Variants in PLCB2 observed in about 807,000 individuals in gnomAD.
PLCB2 encodes the protein 1-phosphatidylinositol 4,5-bisphosphate phosphodiesterase beta-2.
PLCB2 carries 115 observed loss-of-function variants against 141.7 expected under a neutral mutation model. That is an observed-to-expected ratio of 0.81 (90% CI 0.70 to 0.95). The LOEUF is 0.95. Ranked by LOEUF, PLCB2 falls within the 40% of genes least tolerant of loss-of-function variation. PLCB2 has a pLI of 0.00. For missense variants in PLCB2, 1,403 were observed against 1,541.1 expected (o/e 0.91, Z 1.50); for synonymous variants, 603 against 595.6 (o/e 1.01, Z -0.18).
chr15:40,299,377 T>A, intron 7 of PLCB2, 149 bp from the exon 8 acceptor site: 1 of 600,566 alleles, frequency 1.7e-6, no homozygotes, highest in Admixed American at 2.9e-5. Context: ...CATCCACTTC[T>A]CAAGGCCCTG....
chr15:40,307,201 C>T (rs529678570), intron 1 of PLCB2, among the ~76,000 whole-genome samples: 7 of 152,204 alleles, frequency 4.6e-5, no homozygotes, highest in African/African-American at 1.7e-4. Flanking sequence ...AGCGCCCTGC[C>T]GGAGCAAGGG....
chr15:40,291,693 C>T (rs2039941146), intron 24 of PLCB2, 43 bp from the exon 25 acceptor site: 1 of 1,609,210 alleles, frequency 6.2e-7, no homozygotes, highest in Admixed American at 1.7e-5. Context: ...TCTGGGGGGC[C>T]CCTTGGCTCC....
intron 1 of PLCB2, among the ~76,000 whole-genome samples, chr15:40,304,665 C>T (rs3784398): frequency 0.61 from 92,231 of 151,400 alleles, 28,443 homozygotes; most frequent in East Asian, 0.79. Context: ...AGTCACAGAC[C>T]TACAAGCCCA....
intron 1 of PLCB2, among the ~76,000 whole-genome samples, chr15:40,306,291 T>C (rs370615218): frequency 6.6e-6 from 1 of 152,152 alleles, no homozygotes; most frequent in Admixed American, 6.5e-5. Flanking sequence ...CATTCTTGCT[T>C]GTGCAGGTCA....
At chr15:40,293,433 G>A in intron 20 of PLCB2, 127 bp downstream of exon 20, 3 of 915,110 alleles carry the variant, frequency 3.3e-6, no homozygotes, top group Non-Finnish European at 3.4e-6. Flanking sequence ...GAAACAGGAG[G>A]GCCCAGGGTG....
downstream of PLCB2, among the ~76,000 whole-genome samples, chr15:40,286,888 A>C (rs1226422488): frequency 6.6e-6 from 1 of 152,168 alleles, no homozygotes; most frequent in East Asian, 1.9e-4. Context: ...TTCCTGGGCT[A>C]CCCAGCTCCA....
At chr15:40,290,712 T>A in intron 28 of PLCB2, 40 bp from the exon 29 acceptor site, 1 of 1,612,086 alleles carries the variant, frequency 6.2e-7, no homozygotes. Flanking sequence ...TTTGTGCGGC[T>A]GAGCCCTTGC....
intron 15 of PLCB2, 33 bp downstream of exon 15, chr15:40,296,489 G>A: frequency 6.2e-7 from 1 of 1,613,788 alleles, no homozygotes; most frequent in Non-Finnish European, 8.5e-7. Context: ...GGTGGAGGAT[G>A]ACACAGAGGG....
At position 40,289,299 on chromosome 15, in the gene PLCB2, C is replaced by T. The variant is rs2039721862; in HGVS notation, c.3327G>A (p.Leu1109=). ...GCTTTTCCATCTCCCGTATCTGTTC[C>T]AGGCAAGCCGCCTGCTTCTCCTCCA... The part of the protein sequence containing the change: ...EKLEEKQAAC[L]EQIREMEKQF... The change falls in exon 31 of 32, where the codon CTG becomes CTA. Residue 1109 remains leucine (L), a synonymous_variant. Transcript: ENST00000260402. 1 of 1,614,098 alleles carries T rather than the reference C, an allele frequency of 6.2e-7. No homozygotes were observed. The highest frequency in any genetic ancestry group is 1.1e-5 in the South Asian group (1 of 91,074).
Position 40,303,847 on chromosome 15 carries a change from A to AGAGCCCT in PLCB2, c.162+153_162+154insAGGGCTC, listed in dbSNP as rs1051296485. 5 of 590,168 alleles carry AGAGCCCT rather than the reference A, an allele frequency of 8.5e-6. No individual in the cohort carries two copies. In the Admixed American group the frequency reaches 1.2e-4, roughly 14 times the overall value. 36.6% of individuals were successfully genotyped at this position (590,168 alleles called of 1,614,324 possible). A position where few individuals can be genotyped will look rare whatever the true frequency, so the allele number is the denominator to read the frequency against. On this transcript the variant is annotated intron_variant, in intron 2 of 31. Transcript: ENST00000260402. Reference sequence around the variant, plus strand: ...GACTGCATCCTCCTTTCCAGAGCAAAGAGCCCCTGCCTACAGGGGAGCCTC... The same window carrying AGAGCCCT: ...GACTGCATCCTCCTTTCCAGAGCAAAGAGCCCTGAGCCCCTGCCTACAGGGGAGCCTC...
Position 40,299,121 on chromosome 15 carries a change from AACTC to A in PLCB2, c.683+3_683+6del. 6.2e-7 allele frequency: 1 copy of A among 1,604,862 alleles called. No individual in the cohort carries two copies. Among genetic ancestry groups the A allele is most frequent in the Non-Finnish European group, 8.5e-7 (1 of 1,171,556 alleles). On this transcript the variant is annotated splice_donor_5th_base_variant and intron_variant, in intron 8 of 31. Coordinates refer to ENST00000260402, the MANE Select transcript of PLCB2 (RefSeq NM_004573.3). ...TTCCCATGACCAGCACAACCCAAGA[AACTC>A]ACTAAGAAGTGAAGATCTCATCTAT...
At position 40,294,343 on chromosome 15, in the gene PLCB2, G is replaced by C. The variant is rs773166806; in HGVS notation, c.1984C>G (p.Arg662Gly). The change falls in exon 19 of 32, where the codon CGC (arginine) becomes GGC (glycine). Residue 662 changes from arginine to glycine, a missense_variant. Arg to Gly is a moderately radical substitution (Grantham distance 125). Coordinates refer to ENST00000260402, the MANE Select transcript of PLCB2 (RefSeq NM_004573.3). ...SGYLLKHEFM[R>G]RPDKQFNPFS... ...GGGTTGAACTGCTTGTCCGGCCGGC[G>C]CATGAACTCATGCTTGAGGAGGTAG... 6.2e-7 allele frequency: 1 copy of C among 1,614,102 alleles called. No individual in the cohort carries two copies. Among genetic ancestry groups the C allele is most frequent in the Admixed American group, 1.7e-5 (1 of 60,020 alleles).
downstream of PLCB2, among the ~76,000 whole-genome samples, chr15:40,284,823 A>G (rs2039586517): frequency 8.7e-6 from 1 of 115,270 alleles, no homozygotes; most frequent in Admixed American, 1.2e-4. Context: ...CTGGAGACAG[A>G]GTGAGACTCC....
intron 2 of PLCB2, 135 bp downstream of exon 2, chr15:40,303,866 G>T (rs2040653907): frequency 4.8e-6 from 3 of 622,452 alleles, no homozygotes; most frequent in Admixed American, 5.4e-5. Context: ...GCCTACAGGG[G>T]AGCCTCTGGA....
chr15:40,294,755 G>A (rs893546732), intron 18 of PLCB2, among the ~76,000 whole-genome samples, 181 bp downstream of exon 18: 5 of 152,162 alleles, frequency 3.3e-5, no homozygotes, highest in Admixed American at 2.0e-4. Context: ...TCATGTATGC[G>A]CAGGCACATG....
rs2040211074 is a variant in PLCB2 at position 40,296,283 on chromosome 15, CA to C, written c.1696+12del. ...TCTTCTTACCCACCCGTAAGTTACT[CA>C]TGCTAACTTACGGGCAGAGAACTCA... On this transcript the variant is annotated intron_variant, in intron 16 of 31. Transcript: ENST00000260402. 6.3e-7 allele frequency: 1 copy of C among 1,594,468 alleles called. No homozygotes were observed.
At chr15:40,289,769 A>T (rs1280170592) in intron 30 of PLCB2, among the ~76,000 whole-genome samples, 2 of 152,024 alleles carry the variant, frequency 1.3e-5, no homozygotes, top group Non-Finnish European at 2.9e-5. Context: ...ACACATGAGA[A>T]CTGGCCAGAG....
rs2039648022 is a variant in PLCB2, at chr15:40,287,975, G to A, written c.*740C>T. ...ATAAATAAACCTCATAAATTCAGGA[G>A]AGCAAATGATGCTGACCTTGTCAGG... On this transcript the variant is annotated 3_prime_UTR_variant, in exon 32 of 32. Transcript: ENST00000260402. The A allele has an allele frequency of 1.0e-6, 1 of 984,064 alleles. No homozygotes were observed. Among genetic ancestry groups the A allele is most frequent in the Non-Finnish European group, 1.2e-6 (1 of 828,684 alleles). 61.0% of individuals were successfully genotyped at this position (984,064 alleles called of 1,614,324 possible). A position where few individuals can be genotyped will look rare whatever the true frequency, so the allele number is the denominator to read the frequency against.
intron 7 of PLCB2, 186 bp downstream of exon 7, chr15:40,301,771 C>G: frequency 1.4e-6 from 1 of 699,090 alleles, no homozygotes; most frequent in Non-Finnish European, 2.6e-6. Flanking sequence ...GGGTCTCACT[C>G]CCTTGCCCTG....
Sources: gnomAD v4.1 joint callset for allele counts (sites outside exome capture counted in the v4.1 genomes callset) on GRCh38, gnomAD v4.1.1 for gene constraint, MANE v1.5 for transcripts, NCBI Gene and HGNC (gene_info 2026-07-23, HGNC 2026-07-21) for gene names.